CD48: variants seen among roughly 807,000 people sequenced by gnomAD.
The protein encoded by CD48 is CD48 molecule.
In CD48, 20 loss-of-function variants were observed where a neutral mutation model predicts 22.0. The ratio of observed to expected loss-of-function variants is 0.91; its 90% CI spans 0.64 to 1.32. The LOEUF (loss-of-function observed/expected upper bound fraction) is 1.32, where lower values mean the gene tolerates loss of function less well. Among genes scored for constraint, CD48 ranks in the 40% most tolerant of loss-of-function variants. CD48 has a pLI of 0.00. For synonymous variants in CD48, 110 were observed against 110.1 expected (o/e 1.00, Z 0.01); for missense variants, 307 against 286.5 (o/e 1.07, Z -0.52).
At chr1:160,711,630 A>G (rs753561295) in intron 1 of CD48, 52 bp downstream of exon 1, 188 of 1,391,540 alleles carry the variant, frequency 1.4e-4, no homozygotes, top group Middle Eastern at 1.8e-4. Flanking sequence ...CCCTTTCCCA[A>G]CTGACCATGC....
At chr1:160,699,902 C>T (rs1242348312) in intron 1 of CD48, 1 of 151,684 alleles carries the variant, frequency 6.6e-6, no homozygotes, top group East Asian at 1.9e-4. Context: ...GTTGGTTCCC[C>T]GGGCCCCCTT....
chr1:160,708,041 T>G (rs1662843502), intron 1 of CD48, among the ~76,000 whole-genome samples: 1 of 152,148 alleles, frequency 6.6e-6, no homozygotes, highest in Non-Finnish European at 1.5e-5. Flanking sequence ...AAATACGGAA[T>G]GCTTAGAGGG....
At chr1:160,682,483 A>G (rs1661845299) in intron 2 of CD48, among the ~76,000 whole-genome samples, 1 of 145,990 alleles carries the variant, frequency 6.8e-6, no homozygotes. Flanking sequence ...AGAAGAAAGA[A>G]AGGAAGAAAG....
intron 1 of CD48, among the ~76,000 whole-genome samples, chr1:160,709,788 A>T (rs188249567): frequency 2.0e-5 from 3 of 152,338 alleles, no homozygotes; most frequent in East Asian, 3.9e-4. Context: ...CATTTGTGTA[A>T]CAATTATTTA....
intron 2 of CD48, among the ~76,000 whole-genome samples, chr1:160,682,282 C>T (rs56215025): frequency 7.8e-6 from 1 of 129,028 alleles, no homozygotes; most frequent in Non-Finnish European, 1.7e-5. Flanking sequence ...GACTCAGTTT[C>T]TAAAAAAAAA....
At chr1:160,683,116 C>T (rs1034860710) in intron 2 of CD48, among the ~76,000 whole-genome samples, 13 of 152,200 alleles carry the variant, frequency 8.5e-5, no homozygotes, top group African/African-American at 3.1e-4. Flanking sequence ...TGGACTTCCC[C>T]TATATGTTTT....
chr1:160,693,388 A>G (rs1662298413), intron 1 of CD48, among the ~76,000 whole-genome samples: 1 of 152,256 alleles, frequency 6.6e-6, no homozygotes, highest in African/African-American at 2.4e-5. Flanking sequence ...AGGTTCCCGC[A>G]GGATCAGATG....
At chr1:160,703,950 G>T (rs895852140) in intron 1 of CD48, among the ~76,000 whole-genome samples, 11 of 152,164 alleles carry the variant, frequency 7.2e-5, no homozygotes, top group Admixed American at 2.6e-4. Flanking sequence ...GAGAGACACA[G>T]TCAGAGAGGG....
At chr1:160,697,711 A>G (rs1011873328) in intron 1 of CD48, among the ~76,000 whole-genome samples, 4 of 152,068 alleles carry the variant, frequency 2.6e-5, no homozygotes, top group African/African-American at 9.7e-5. Context: ...AGAATACAGA[A>G]GTTTTAGTTT....
rs1267062070 is a variant in CD48, at chr1:160,678,821, T to G, written c.*231A>C. On this transcript the variant is annotated 3_prime_UTR_variant, in exon 4 of 4. Transcript: ENST00000368046. ...CATTCACATAATGTTGTCACAATTT[T>G]GGGTGGGAAAAAAGCATGTGTATCT... The G allele has an allele frequency of 9.0e-5, 36 of 401,716 alleles. No individual in the cohort carries two copies. The highest frequency in any genetic ancestry group is 6.2e-5 in the Non-Finnish European group (14 of 225,434). 24.9% of individuals were successfully genotyped at this position (401,716 alleles called of 1,614,324 possible).
chr1:160,685,646 T>C (rs1360720598), intron 1 of CD48, among the ~76,000 whole-genome samples: 1 of 152,150 alleles, frequency 6.6e-6, no homozygotes. Context: ...TATACCAATG[T>C]GGGAGGACAA....
At chr1:160,691,079 C>CACAAAAACT (rs1300822559) in intron 1 of CD48, among the ~76,000 whole-genome samples, 9 of 152,156 alleles carry the variant, frequency 5.9e-5, no homozygotes, top group Admixed American at 5.9e-4. Context: ...ACAAAAACTG[C>CACAAAAACT]GGAAGCCTGC....
intron 1 of CD48, among the ~76,000 whole-genome samples, chr1:160,710,653 C>G (rs1662921189): frequency 6.6e-6 from 1 of 152,194 alleles, no homozygotes; most frequent in African/African-American, 2.4e-5. Flanking sequence ...CCCCCAATCC[C>G]AAGGTCATAC....
chr1:160,707,426 C>T (rs902904521), intron 1 of CD48, among the ~76,000 whole-genome samples: 32 of 151,990 alleles, frequency 2.1e-4, no homozygotes, highest in African/African-American at 6.5e-4. Context: ...AGGTGATTGA[C>T]GAGCCTGGGC....
In CD48 at chr1:160,701,677, G is replaced by A. The variant is rs73014174; in HGVS notation, c.82+10005C>T. On this transcript the variant is annotated intron_variant, in intron 1 of 3. Coordinates refer to ENST00000368046, the MANE Select transcript of CD48 (RefSeq NM_001778.4). ...TTTGCCAGTAAATCTCTACCCCAAA[G>A]ATTAATGTGAATTGGCATGATATAG... Among the ~76,000 whole-genome samples the A allele has an allele frequency of 8.7e-3, 1,323 of 152,244 alleles. 19 individuals are homozygous for A. Among genetic ancestry groups the A allele is most frequent in the African/African-American group, 0.031 (1,271 of 41,524 alleles).
At chr1:160,693,517 A>C (rs201609132) in intron 1 of CD48, among the ~76,000 whole-genome samples, 1 of 139,470 alleles carries the variant, frequency 7.2e-6, no homozygotes, top group Non-Finnish European at 1.6e-5. Flanking sequence ...CATTTGGAGG[A>C]AAATGTTATA....
chr1:160,701,977 T>G (rs1168651785), intron 1 of CD48, among the ~76,000 whole-genome samples: 1 of 152,182 alleles, frequency 6.6e-6, no homozygotes, highest in African/African-American at 2.4e-5. Context: ...CCGGAGCCTA[T>G]CCCAGGGCCA....
Position 160,711,705 on chromosome 1 carries a change from G to C in CD48, c.59C>G (p.Ser20Ter). 1.2e-6 allele frequency: 2 copies of C among 1,613,398 alleles called. No homozygotes were observed. Among genetic ancestry groups the C allele is most frequent in the Non-Finnish European group, 1.7e-6 (2 of 1,179,386 alleles). Residue 20 changes from serine (S) to a stop codon, truncating the protein, a stop_gained, in exon 1 of 4, where the codon TCA becomes TGA. Transcript: ENST00000368046. LOFTEE classifies it high-confidence loss of function. ...ACCTTGAATGCTGGTCACCAGGAGTGACAGAGGCAGCAGTAGCAATTCCAG... is the reference window on the plus strand; with the variant it reads ...ACCTTGAATGCTGGTCACCAGGAGTCACAGAGGCAGCAGTAGCAATTCCAG... ...LALELLLLPLSLLVTSIQGHL... is the reference protein window; with the variant it reads ...LALELLLLPL
At chr1:160,683,898 G>T (rs1232363396) in intron 2 of CD48, 1 of 151,934 alleles carries the variant, frequency 6.6e-6, no homozygotes, top group Non-Finnish European at 1.5e-5. Context: ...CCAACCCCTG[G>T]AGCCCCTCCC....
Sources: allele counts gnomAD v4.1 joint callset (sites outside exome capture counted in the v4.1 genomes callset), GRCh38; gene constraint gnomAD v4.1.1; transcripts MANE v1.5; gene names NCBI Gene and HGNC (gene_info 2026-07-23, HGNC 2026-07-21).